PITPNC1: variants seen among roughly 807,000 people sequenced by gnomAD.
The protein encoded by PITPNC1 is cytoplasmic phosphatidylinositol transfer protein 1.
Under a neutral mutation model 44.7 loss-of-function variants are expected in PITPNC1, and 18 were observed. The ratio of observed to expected loss-of-function variants is 0.40; its 90% CI spans 0.28 to 0.60. The LOEUF (loss-of-function observed/expected upper bound fraction) is 0.60. PITPNC1 is among the 20% of genes least tolerant of loss of function. The pLI is 0.39. For synonymous variants in PITPNC1, 141 were observed against 149.6 expected (o/e 0.94, Z 0.42); for missense variants, 290 against 418.4 (o/e 0.69, Z 2.68).
intron 1 of PITPNC1, among the ~76,000 whole-genome samples, chr17:67,521,670 C>T (rs1253778048): frequency 6.6e-6 from 1 of 152,106 alleles, no homozygotes; most frequent in Non-Finnish European, 1.5e-5. Flanking sequence ...ATGTTCTTAG[C>T]TTGGGCAGAA....
At chr17:67,560,359 A>G (rs572437928) in intron 4 of PITPNC1, among the ~76,000 whole-genome samples, 6 of 152,348 alleles carry the variant, frequency 3.9e-5, no homozygotes, top group African/African-American at 1.2e-4. Context: ...GAAGATGACT[A>G]TTACTCAGAT....
intron 4 of PITPNC1, among the ~76,000 whole-genome samples, chr17:67,555,056 C>T (rs1387448757): frequency 6.6e-6 from 1 of 151,794 alleles, no homozygotes; most frequent in Non-Finnish European, 1.5e-5. Context: ...ATAGTATTTC[C>T]CCCCGCAATG....
At chr17:67,465,403 G>A (rs943041748) in intron 1 of PITPNC1, among the ~76,000 whole-genome samples, 5 of 152,194 alleles carry the variant, frequency 3.3e-5, no homozygotes, top group South Asian at 2.1e-4. Context: ...TGGTAGCACC[G>A]ATGTGGAATC....
chr17:67,485,242 G>T (rs1262030186), intron 1 of PITPNC1, among the ~76,000 whole-genome samples: 9 of 152,200 alleles, frequency 5.9e-5, no homozygotes, highest in African/African-American at 1.9e-4. Context: ...AGCGCAGTGG[G>T]AAAAGCATGG....
chr17:67,432,452 C>T (rs753861254), intron 1 of PITPNC1, among the ~76,000 whole-genome samples: 14 of 151,956 alleles, frequency 9.2e-5, no homozygotes, highest in South Asian at 2.1e-4. Flanking sequence ...TGCAGTGAGC[C>T]GAGATTGCAC....
At chr17:67,687,422 A>G (rs986453762) in intron 8 of PITPNC1, among the ~76,000 whole-genome samples, 1 of 152,192 alleles carries the variant, frequency 6.6e-6, no homozygotes, top group Non-Finnish European at 1.5e-5. Context: ...AAAACCAAGA[A>G]CATGGAGAGT....
chr17:67,407,399 G>A (rs189682797), intron 1 of PITPNC1, among the ~76,000 whole-genome samples: 1 of 152,116 alleles, frequency 6.6e-6, no homozygotes, highest in Non-Finnish European at 1.5e-5. Flanking sequence ...ATATGTTCTC[G>A]ATGCTAGACC....
chr17:67,610,299 C>G (rs1050464909), intron 5 of PITPNC1, among the ~76,000 whole-genome samples: 2 of 152,130 alleles, frequency 1.3e-5, no homozygotes, highest in Admixed American at 6.5e-5. Flanking sequence ...GCTGGAAGGG[C>G]CTGTTCTGTG....
chr17:67,616,981 A>G (rs73997203), intron 5 of PITPNC1, among the ~76,000 whole-genome samples: 9,020 of 152,272 alleles, frequency 0.059, 884 homozygotes, highest in African/African-American at 0.21. Flanking sequence ...GGGCAGAGAA[A>G]AAAAAGGACA....
chr17:67,457,767 A>G (rs1431724554), intron 1 of PITPNC1: 1 of 152,118 alleles, frequency 6.6e-6, no homozygotes, highest in African/African-American at 2.4e-5. Flanking sequence ...ATTTTTATTT[A>G]TTCTGCTTAG....
intron 5 of PITPNC1, among the ~76,000 whole-genome samples, chr17:67,628,437 T>TG (rs2041922403): frequency 1.3e-5 from 2 of 152,178 alleles, no homozygotes; most frequent in African/African-American, 4.8e-5. Context: ...AAGGAATTAT[T>TG]GATCTCTGAT....
At chr17:67,663,942 T>C (rs980892993) in intron 6 of PITPNC1, among the ~76,000 whole-genome samples, 11 of 152,086 alleles carry the variant, frequency 7.2e-5, no homozygotes, top group Non-Finnish European at 2.9e-5. Context: ...TCTTCATTTC[T>C]CAGTGTTTGT....
At chr17:67,432,467 G>A (rs1453747283) in intron 1 of PITPNC1, among the ~76,000 whole-genome samples, 1 of 152,128 alleles carries the variant, frequency 6.6e-6, no homozygotes, top group African/African-American at 2.4e-5. Context: ...TTGCACCACT[G>A]CACTCCAGCA....
chr17:67,383,070 A>G (rs531263368), intron 1 of PITPNC1, among the ~76,000 whole-genome samples: 86 of 151,980 alleles, frequency 5.7e-4, no homozygotes, highest in African/African-American at 2.0e-3. Context: ...ATCTTGGCTC[A>G]CTGAAACCTC....
At chr17:67,679,379 CT>C (rs1380585492) in intron 8 of PITPNC1, among the ~76,000 whole-genome samples, 2 of 152,176 alleles carry the variant, frequency 1.3e-5, no homozygotes, top group Non-Finnish European at 2.9e-5. Flanking sequence ...AAAGGTGCCC[CT>C]TCTGGGCAGA....
At chr17:67,494,215 T>TTCTTTCTTTCTTTCTTTCTTTCTTTC (rs1568012981) in intron 1 of PITPNC1, among the ~76,000 whole-genome samples, 1 of 148,784 alleles carries the variant, frequency 6.7e-6, no homozygotes, top group Non-Finnish European at 1.5e-5. Context: ...CTTTCTTTCT[T>TTCTTTCTTTCTTTCTTTCTTTCTTTC]TTTGAGACGT....
chr17:67,673,524 T>G (rs1865436821), intron 7 of PITPNC1, among the ~76,000 whole-genome samples: 1 of 152,212 alleles, frequency 6.6e-6, no homozygotes, highest in South Asian at 2.1e-4. Flanking sequence ...TCCCATTACG[T>G]TCTATTCTAG....
At chr17:67,617,371 T>A (rs564156647) in intron 5 of PITPNC1, among the ~76,000 whole-genome samples, 50 of 152,262 alleles carry the variant, frequency 3.3e-4, no homozygotes, top group African/African-American at 1.1e-3. Flanking sequence ...CCAGGCATAG[T>A]GGTGCACACC....
At chr17:67,542,236 C>T (rs969334459) in intron 2 of PITPNC1, among the ~76,000 whole-genome samples, 14 of 151,952 alleles carry the variant, frequency 9.2e-5, no homozygotes, top group Non-Finnish European at 7.4e-5. Flanking sequence ...AGTTCTTGGG[C>T]GTATTTGGTA....
Sources: gnomAD v4.1 joint callset for allele counts (sites outside exome capture counted in the v4.1 genomes callset) on GRCh38, gnomAD v4.1.1 for gene constraint, MANE v1.5 for transcripts, NCBI Gene and HGNC (gene_info 2026-07-23, HGNC 2026-07-21) for gene names.